CAMTA1: variants seen among roughly 807,000 people sequenced by gnomAD.
The protein encoded by CAMTA1 is calmodulin binding transcription activator 1.
A neutral mutation model predicts 170.9 loss-of-function variants in CAMTA1; 27 were observed. That is an observed-to-expected ratio of 0.16 (90% CI 0.12 to 0.22). The LOEUF is 0.22. Among genes scored for constraint, CAMTA1 ranks in the 10% least tolerant of loss-of-function variants. The probability of loss-of-function intolerance (pLI) is 1.00; values close to 1 mark genes in which losing one functional copy is unlikely to be tolerated. For missense variants in CAMTA1, 1,619 were observed against 2,217.2 expected, an observed-to-expected ratio of 0.73 and a Z score of 5.42; for synonymous variants, 833 against 891.5, an observed-to-expected ratio of 0.93 and a Z score of 1.17.
chr1:7,403,563 G>T (rs969641593), intron 5 of CAMTA1, among the ~76,000 whole-genome samples: 7 of 152,194 alleles, frequency 4.6e-5, no homozygotes, highest in Non-Finnish European at 1.0e-4. Flanking sequence ...GTTAGTGAAG[G>T]GGTGAAGGGG....
At position 7,570,806 on chromosome 1, in the gene CAMTA1, G is replaced by C. The variant is rs1041116944; in HGVS notation, c.511-69594G>C. 2.0e-5 allele frequency among the ~76,000 whole-genome samples: 3 copies of C among 152,212 alleles called. No individual in the cohort carries two copies. The highest frequency in any genetic ancestry group is 4.4e-5 in the Non-Finnish European group (3 of 68,044). On this transcript the variant is annotated intron_variant, in intron 6 of 22. Transcript: ENST00000303635. This position sits in a 1 kb window ranked among gnomAD's most constrained non-coding sequence, Gnocchi z 4.3. ...AGGGAAAATCAGTGTTATCATGCGAGGATGGGGATAGGGTACGGAGACTGG... is the reference window on the plus strand; with the variant it reads ...AGGGAAAATCAGTGTTATCATGCGACGATGGGGATAGGGTACGGAGACTGG...
chr1:7,150,767 G>A (rs1244457605), intron 4 of CAMTA1, among the ~76,000 whole-genome samples: 2 of 152,180 alleles, frequency 1.3e-5, no homozygotes, highest in Non-Finnish European at 2.9e-5. Context: ...GGTCGTGGCC[G>A]TGCCTTCCGG....
At position 7,460,575 on chromosome 1, in the gene CAMTA1, G is replaced by A. The variant is rs77577232; in HGVS notation, c.439-7255G>A. On this transcript the variant is annotated intron_variant, in intron 5 of 22. Coordinates refer to ENST00000303635, the MANE Select transcript of CAMTA1 (RefSeq NM_015215.4). ...CGGCCCAGCTGGTCCAGGATGCCCCGTTCTGGAGGCTGTGACTGCCCCCCC... is the reference window on the plus strand; with the variant it reads ...CGGCCCAGCTGGTCCAGGATGCCCCATTCTGGAGGCTGTGACTGCCCCCCC... 4.7e-3 allele frequency among the ~76,000 whole-genome samples: 671 copies of A among 143,858 alleles called. 2 individuals are homozygous for A. The highest frequency in any genetic ancestry group is 7.3e-3 in the Non-Finnish European group (483 of 66,348). The allele number at this position is 143,858 out of a possible 152,430, so 94.4% of individuals were successfully genotyped here. A position where few individuals can be genotyped will look rare whatever the true frequency, so the allele number is the denominator to read the frequency against.
At chr1:7,177,807 C>T (rs571626125) in intron 4 of CAMTA1, among the ~76,000 whole-genome samples, 10 of 151,970 alleles carry the variant, frequency 6.6e-5, no homozygotes, top group African/African-American at 2.2e-4. Flanking sequence ...AGGCTCTTCC[C>T]ACACACTGAG....
chr1:7,165,440 C>CT (rs1377483788), intron 4 of CAMTA1, among the ~76,000 whole-genome samples: 3 of 151,794 alleles, frequency 2.0e-5, no homozygotes, highest in African/African-American at 4.8e-5. Context: ...CTTTTCTTTT[C>CT]TTTTTTTTGG....
At chr1:7,690,168 T>G (rs2096294975) in intron 11 of CAMTA1, among the ~76,000 whole-genome samples, 2 of 152,134 alleles carry the variant, frequency 1.3e-5, no homozygotes, top group South Asian at 4.1e-4. Context: ...CATCTCAAAA[T>G]AAGAAGAAAG....
chr1:6,903,879 C>T (rs761301948), intron 3 of CAMTA1, among the ~76,000 whole-genome samples: 1 of 152,238 alleles, frequency 6.6e-6, no homozygotes, highest in Non-Finnish European at 1.5e-5. Flanking sequence ...TTCCTGTGGA[C>T]ATCGCAGACC....
At chr1:7,616,652 G>C (rs2095560957) in intron 6 of CAMTA1, among the ~76,000 whole-genome samples, 1 of 152,074 alleles carries the variant, frequency 6.6e-6, no homozygotes, top group African/African-American at 2.4e-5. Context: ...GGAATGGAGG[G>C]GGACCCTAGG....
intron 5 of CAMTA1, among the ~76,000 whole-genome samples, chr1:7,279,317 T>C (rs1406778524): frequency 1.3e-5 from 2 of 152,170 alleles, no homozygotes; most frequent in Non-Finnish European, 2.9e-5. Context: ...GGATGACTTA[T>C]TGGTTAAAAT....
chr1:6,939,097 C>A (rs1021108578), intron 3 of CAMTA1, among the ~76,000 whole-genome samples: 1 of 152,138 alleles, frequency 6.6e-6, no homozygotes, highest in African/African-American at 2.4e-5. Context: ...TAGGGCTGGC[C>A]CACACACTCA....
intron 22 of CAMTA1, among the ~76,000 whole-genome samples, chr1:7,765,035 T>C (rs1400319510): frequency 6.6e-6 from 1 of 152,054 alleles, no homozygotes; most frequent in Non-Finnish European, 1.5e-5. Context: ...CAGAAAAATA[T>C]ATTTGAGATT....
intron 3 of CAMTA1, among the ~76,000 whole-genome samples, chr1:6,967,672 G>A (rs1163456135): frequency 6.6e-6 from 1 of 152,198 alleles, no homozygotes; most frequent in African/African-American, 2.4e-5. Context: ...GGTTCAGCCA[G>A]CATTTGAAAA....
intron 3 of CAMTA1, among the ~76,000 whole-genome samples, chr1:7,087,370 G>A (rs190436465): frequency 6.6e-6 from 1 of 152,314 alleles, no homozygotes; most frequent in Non-Finnish European, 1.5e-5. Flanking sequence ...GGCTTTTGGG[G>A]TGGCAATAAG....
At chr1:7,055,634 G>A (rs1397958535) in intron 3 of CAMTA1, among the ~76,000 whole-genome samples, 1 of 152,210 alleles carries the variant, frequency 6.6e-6, no homozygotes, top group Non-Finnish European at 1.5e-5. Context: ...ACCTGGCCTC[G>A]AGGTGGGTCA....
At position 7,580,835 on chromosome 1, in the gene CAMTA1, T is replaced by G. The variant is rs1206535271; in HGVS notation, c.511-59565T>G. 6.6e-6 allele frequency among the ~76,000 whole-genome samples: 1 copy of G among 152,224 alleles called. No individual in the cohort carries two copies. Among genetic ancestry groups the G allele is most frequent in the East Asian group, 1.9e-4 (1 of 5,182 alleles). On this transcript the variant is annotated intron_variant, in intron 6 of 22. Transcript: ENST00000303635. This position sits in a 1 kb window ranked among gnomAD's most constrained non-coding sequence, Gnocchi z 4.3. The stretch of plus-strand genomic sequence containing the variant: ...ACCCGTGCCCATCACAAGCCCATCC[T>G]TAGAGGGTTCAGAGTCATATGGTGT...
intron 3 of CAMTA1, among the ~76,000 whole-genome samples, chr1:7,032,181 C>G (rs918599466): frequency 6.6e-6 from 1 of 151,996 alleles, no homozygotes; most frequent in African/African-American, 2.4e-5. Flanking sequence ...ACCAGGCTGG[C>G]CTTGAACTCC....
At chr1:7,538,022 A>C (rs2094568749) in intron 6 of CAMTA1, among the ~76,000 whole-genome samples, 1 of 152,116 alleles carries the variant, frequency 6.6e-6, no homozygotes, top group Non-Finnish European at 1.5e-5. Context: ...CCCCTGCCTA[A>C]TAAATGTGTT....
chr1:6,942,030 A>T (rs1373644268), intron 3 of CAMTA1, among the ~76,000 whole-genome samples: 1 of 151,470 alleles, frequency 6.6e-6, no homozygotes, highest in Non-Finnish European at 1.5e-5. Flanking sequence ...CACGGGCTTC[A>T]TGCAAGGCTG....
chr1:7,407,231 CT>C (rs2090359549), intron 5 of CAMTA1, among the ~76,000 whole-genome samples: 1 of 152,188 alleles, frequency 6.6e-6, no homozygotes, highest in African/African-American at 2.4e-5. Context: ...GGCAAGGTTA[CT>C]AAAAGAACTG....
Sources: gnomAD v4.1 joint callset for allele counts (sites outside exome capture counted in the v4.1 genomes callset) on GRCh38, gnomAD v4.1.1 for gene constraint, Gnocchi (gnomAD v3.1) non-coding constraint, MANE v1.5 for transcripts, NCBI Gene and HGNC (gene_info 2026-07-23, HGNC 2026-07-21) for gene names.